PLCZ1: variants seen among roughly 807,000 people sequenced by gnomAD.
PLCZ1 encodes 1-phosphatidylinositol 4,5-bisphosphate phosphodiesterase zeta-1.
A neutral mutation model predicts 76.8 loss-of-function variants in PLCZ1; 64 were observed. The observed-to-expected ratio is 0.83, with a 90% confidence interval of 0.68 to 1.03. The LOEUF is 1.03. PLCZ1 is among the 50% of genes least tolerant of loss of function. PLCZ1 has a pLI of 0.00. For missense variants in PLCZ1, 751 were observed against 713.7 expected (o/e 1.05, Z -0.60); for synonymous variants, 248 against 230.8 (o/e 1.07, Z -0.68).
At chr12:18,726,869 G>A (rs985698962) in intron 3 of PLCZ1, among the ~76,000 whole-genome samples, 7 of 151,978 alleles carry the variant, frequency 4.6e-5, no homozygotes, top group Middle Eastern at 3.2e-3. Context: ...AAACTCTCGC[G>A]CTAGTTTAAA....
intron 12 of PLCZ1, among the ~76,000 whole-genome samples, chr12:18,690,209 T>TTTTGTTTG (rs112242865): frequency 9.9e-5 from 15 of 151,978 alleles, no homozygotes; most frequent in South Asian, 2.1e-4. Context: ...CACATCTGTT[T>TTTTGTTTG]TTTGTTTGTT....
intron 7 of PLCZ1, among the ~76,000 whole-genome samples, chr12:18,703,906 C>T (rs1165385474): frequency 6.6e-6 from 1 of 152,090 alleles, no homozygotes; most frequent in Non-Finnish European, 1.5e-5. Context: ...CCAAATATTA[C>T]AAAAATATTG....
At chr12:18,685,720 A>G (rs1032880721) in intron 13 of PLCZ1, 42 of 491,366 alleles carry the variant, frequency 8.5e-5, no homozygotes, top group African/African-American at 7.4e-4. Flanking sequence ...CTTTATAGAT[A>G]CTGCAAAACA....
At chr12:18,646,920 A>C in the PLCZ1 span, among the ~76,000 whole-genome samples, 7 of 152,110 alleles carry the variant, frequency 4.6e-5, no homozygotes, top group Non-Finnish European at 8.8e-5. Context: ...TGAAAAAAAA[A>C]GTCACAAAAA....
Position 18,701,885 on chromosome 12 carries a change from A to T in PLCZ1, c.865-109T>A, listed in dbSNP as rs142991188. The T allele has an allele frequency of 2.7e-6, 4 of 1,457,362 alleles. No homozygotes were observed. In the African/African-American group the frequency reaches 5.7e-5, roughly 21 times the overall value. 90.3% of individuals were successfully genotyped at this position (1,457,362 alleles called of 1,614,324 possible). ...TTTCCAATTAGCCTACAGTAATAAG[A>T]TATGTAAGAACTCCATTTTTTCCCA... is the stretch of plus-strand genomic sequence containing the variant. On this transcript the variant is annotated intron_variant, in intron 7 of 14. Coordinates refer to ENST00000266505, the MANE Select transcript of PLCZ1 (RefSeq NM_033123.4).
chr12:18,646,775 C>G, the PLCZ1 span, among the ~76,000 whole-genome samples: 1 of 152,112 alleles, frequency 6.6e-6, no homozygotes, highest in East Asian at 1.9e-4. Context: ...CCACTCAGCT[C>G]TCTCCTCCTT....
At position 18,688,209 on chromosome 12, in the gene PLCZ1, C is replaced by T. The variant is rs375785880; in HGVS notation, c.1471G>A (p.Gly491Ser). 12 of 1,608,018 alleles carry T rather than the reference C, an allele frequency of 7.5e-6. No individual in the cohort carries two copies. The highest frequency in any genetic ancestry group is 1.0e-5 in the Non-Finnish European group (12 of 1,177,372). Residue 491 changes from glycine (G) to serine (S), a missense_variant, in exon 13 of 15, where the codon GGT becomes AGT. Gly to Ser is a moderately conservative substitution (Grantham distance 56). Transcript: ENST00000266505. ...PITLTIRLIS[G>S]IQLPLTHSSS... ...GAATGAGTAAGAGGCAACTGGATAC[C>T]ACTGATGAGCTGCACAAATATATAT...
intron 7 of PLCZ1, 82 bp from the exon 8 acceptor site, chr12:18,701,858 T>G: frequency 1.3e-6 from 2 of 1,521,876 alleles, no homozygotes; most frequent in South Asian, 1.2e-5. Flanking sequence ...TGTTTCACTA[T>G]ATTTCCAATT....
the PLCZ1 span, among the ~76,000 whole-genome samples, chr12:18,672,960 G>C: frequency 6.6e-6 from 1 of 152,168 alleles, no homozygotes; most frequent in Non-Finnish European, 1.5e-5. Context: ...TCAGGAAGAA[G>C]TGAGATGTGA....
intron 3 of PLCZ1, among the ~76,000 whole-genome samples, chr12:18,732,897 G>A (rs11044273): frequency 0.23 from 35,371 of 151,968 alleles, 4,287 homozygotes; most frequent in East Asian, 0.32. Context: ...TGCATATCTT[G>A]GCTATCATAA....
chr12:18,736,259 T>C lies in PLCZ1; in HGVS notation c.97A>G (p.Ile33Val). ...KTQRLLEKLD[I>V]RCSYIHVKQI... ...TTCACATGAATATAACTGCACCGAA[T>C]ATCTAATTTTTCAAGTAACCTCTGA... is the stretch of plus-strand genomic sequence containing the variant. Residue 33 changes from isoleucine to valine, a missense_variant, in exon 3 of 15, where the codon ATT becomes GTT. By Grantham distance (29) the Ile-to-Val change is conservative. Transcript: ENST00000266505. 1 of 1,612,798 alleles carries C rather than the reference T, an allele frequency of 6.2e-7. No homozygotes were observed. The highest frequency in any genetic ancestry group is 8.5e-7 in the Non-Finnish European group (1 of 1,179,200).
Position 18,721,276 on chromosome 12 carries a change from C to A in PLCZ1, c.368-1644G>T, listed in dbSNP as rs142500433. ...GGATTTTTAAAAACCTCATTTGGTG[C>A]CTGTCACATACCAATGAGGGATGAG... On this transcript the variant is annotated intron_variant, in intron 4 of 14. Coordinates refer to ENST00000266505, the MANE Select transcript of PLCZ1 (RefSeq NM_033123.4). Among the ~76,000 whole-genome samples, 1,080 of 152,042 alleles carry A rather than the reference C, an allele frequency of 7.1e-3. 12 individuals are homozygous for A. The highest frequency in any genetic ancestry group is 0.025 in the African/African-American group (1,046 of 41,480).
the PLCZ1 span, among the ~76,000 whole-genome samples, chr12:18,666,321 C>T: frequency 6.6e-6 from 1 of 151,888 alleles, no homozygotes; most frequent in East Asian, 1.9e-4. Flanking sequence ...TTAAGAAGCA[C>T]GATCCAATTA....
At chr12:18,677,442 T>C in the PLCZ1 span, among the ~76,000 whole-genome samples, 150 of 152,188 alleles carry the variant, frequency 9.9e-4, no homozygotes, top group African/African-American at 3.6e-3. Flanking sequence ...CTGAATCACA[T>C]AGAGGGCTGG....
the PLCZ1 span, among the ~76,000 whole-genome samples, chr12:18,649,478 C>G: frequency 1.4e-4 from 22 of 152,214 alleles, no homozygotes; most frequent in African/African-American, 4.3e-4. Context: ...ACCATGCAAC[C>G]ATGATGTTAT....
intron 13 of PLCZ1, among the ~76,000 whole-genome samples, chr12:18,687,070 G>T (rs184117718): frequency 6.6e-6 from 1 of 152,036 alleles, no homozygotes; most frequent in Non-Finnish European, 1.5e-5. Flanking sequence ...GGACACAGCC[G>T]TAGCAATGTG....
At chr12:18,651,477 A>C in the PLCZ1 span, among the ~76,000 whole-genome samples, 3 of 152,176 alleles carry the variant, frequency 2.0e-5, no homozygotes, top group African/African-American at 7.2e-5. Context: ...TCCCTTCACT[A>C]GGCAATTAGC....
chr12:18,727,777 G>C (rs1322535444), intron 3 of PLCZ1, among the ~76,000 whole-genome samples: 1 of 152,146 alleles, frequency 6.6e-6, no homozygotes, highest in African/African-American at 2.4e-5. Flanking sequence ...AGTGTAGAAG[G>C]TAGATGTTGG....
intron 3 of PLCZ1, among the ~76,000 whole-genome samples, chr12:18,735,255 T>C (rs974005669): frequency 6.6e-6 from 1 of 152,238 alleles, no homozygotes; most frequent in African/African-American, 2.4e-5. Context: ...ATCCAGATGA[T>C]GTTGACCTTA....
Sources: allele counts gnomAD v4.1 joint callset (sites outside exome capture counted in the v4.1 genomes callset), GRCh38; gene constraint gnomAD v4.1.1; transcripts MANE v1.5; gene names NCBI Gene and HGNC (gene_info 2026-07-23, HGNC 2026-07-21).